Variants in ATP8A2 observed in about 807,000 individuals in gnomAD.
The protein encoded by ATP8A2 is ATPase phospholipid transporting 8A2, also known as phospholipid-transporting ATPase IB.
A neutral mutation model predicts 165.6 loss-of-function variants in ATP8A2; 100 were observed. That is an observed-to-expected ratio of 0.60 (90% CI 0.51 to 0.71). The LOEUF is 0.71. ATP8A2 is among the 30% of genes least tolerant of loss of function. The pLI is 0.00. For missense variants in ATP8A2, 1,227 were observed against 1,479.5 expected (o/e 0.83, Z 2.80); for synonymous variants, 543 against 548.8 (o/e 0.99, Z 0.15).
intron 33 of ATP8A2, among the ~76,000 whole-genome samples, chr13:25,912,160 A>G (rs966722038): frequency 9.6e-6 from 1 of 103,652 alleles, no homozygotes; most frequent in African/African-American, 5.6e-5. Context: ...TGTGAGACAC[A>G]CACACACACA....
intron 24 of ATP8A2, among the ~76,000 whole-genome samples, chr13:25,595,924 T>G (rs1593610928): frequency 6.6e-6 from 1 of 151,828 alleles, no homozygotes; most frequent in East Asian, 1.9e-4. Context: ...TTCAGGTTCT[T>G]AAGGTCCCAC....
At chr13:25,395,741 T>C (rs968686571) in intron 1 of ATP8A2, among the ~76,000 whole-genome samples, 1 of 152,182 alleles carries the variant, frequency 6.6e-6, no homozygotes, top group Non-Finnish European at 1.5e-5. Context: ...CTTGCTATGT[T>C]GCTCAGGGGT....
chr13:25,824,844 C>A (rs1388427598), intron 27 of ATP8A2, among the ~76,000 whole-genome samples: 4 of 152,152 alleles, frequency 2.6e-5, no homozygotes, highest in Admixed American at 1.3e-4. Context: ...AAGCATATTG[C>A]CCTTCAGCTT....
intron 2 of ATP8A2, among the ~76,000 whole-genome samples, chr13:25,528,724 A>ATATGCATACATATGCAACTTGTG (rs1221718082): frequency 6.6e-6 from 1 of 151,458 alleles, no homozygotes; most frequent in South Asian, 2.1e-4. Flanking sequence ...GGTTTGTTAC[A>ATATGCATACATATGCAACTTGTG]TATGCATACA....
intron 33 of ATP8A2, among the ~76,000 whole-genome samples, chr13:25,865,754 C>T (rs2138781554): frequency 6.6e-6 from 1 of 152,332 alleles, no homozygotes; most frequent in Middle Eastern, 3.4e-3. Flanking sequence ...AAGTCATCTG[C>T]ATCCTTCCCC....
At chr13:25,556,569 G>A (rs1179929723) in intron 13 of ATP8A2, among the ~76,000 whole-genome samples, 2 of 152,096 alleles carry the variant, frequency 1.3e-5, no homozygotes, top group African/African-American at 4.8e-5. Flanking sequence ...TAGGTTGTCT[G>A]TTTACTCTGT....
rs542037421 is a variant in ATP8A2 at position 25,742,816 on chromosome 13, A to G, written c.2385-26230A>G. Reference sequence around the variant, plus strand: ...GAAATGACCTTTGGCAGTGTAAGAGAAGTTTGTCACCCCTTCGAGTCTGCA... The same window carrying G: ...GAAATGACCTTTGGCAGTGTAAGAGGAGTTTGTCACCCCTTCGAGTCTGCA... On this transcript the variant is annotated intron_variant, in intron 25 of 36. Coordinates refer to ENST00000381655, the MANE Select transcript of ATP8A2 (RefSeq NM_016529.6). Among the ~76,000 whole-genome samples the G allele has an allele frequency of 3.0e-3, 459 of 151,918 alleles. 2 individuals carry two copies. Among genetic ancestry groups the G allele is most frequent in the Non-Finnish European group, 4.5e-3 (309 of 67,986 alleles).
chr13:25,397,463 A>AG (rs1478627900), intron 1 of ATP8A2, among the ~76,000 whole-genome samples: 1 of 152,032 alleles, frequency 6.6e-6, no homozygotes, highest in East Asian at 1.9e-4. Context: ...TAAGGCGTGG[A>AG]GGGGTCCTCT....
chr13:25,897,187 A>G (rs189073378), intron 33 of ATP8A2, among the ~76,000 whole-genome samples: 71 of 152,084 alleles, frequency 4.7e-4, no homozygotes, highest in Non-Finnish European at 7.9e-4. Flanking sequence ...GTTCCTTTCT[A>G]TGTTTAGTGC....
At chr13:25,410,364 G>A (rs2033932316) in intron 1 of ATP8A2, among the ~76,000 whole-genome samples, 1 of 152,300 alleles carries the variant, frequency 6.6e-6, no homozygotes, top group African/African-American at 2.4e-5. Flanking sequence ...CAAAGCCCCA[G>A]TGGCATCTAT....
intron 25 of ATP8A2, among the ~76,000 whole-genome samples, chr13:25,731,887 T>G (rs534456068): frequency 6.6e-6 from 1 of 152,344 alleles, no homozygotes; most frequent in East Asian, 1.9e-4. Flanking sequence ...ATTGAAGGTC[T>G]TCGAAAGCTT....
chr13:25,422,220 A>G (rs2034321410), intron 1 of ATP8A2, among the ~76,000 whole-genome samples: 1 of 152,198 alleles, frequency 6.6e-6, no homozygotes, highest in South Asian at 2.1e-4. Context: ...GACTTAGTAA[A>G]TACATACAGA....
chr13:25,915,778 C>T (rs1336148297), intron 33 of ATP8A2, among the ~76,000 whole-genome samples: 2 of 152,208 alleles, frequency 1.3e-5, no homozygotes, highest in African/African-American at 4.8e-5. Flanking sequence ...ACACAAGAAC[C>T]TCATCTTACT....
intron 1 of ATP8A2, among the ~76,000 whole-genome samples, chr13:25,452,425 CATT>C (rs1305043907): frequency 1.3e-5 from 2 of 152,098 alleles, no homozygotes; most frequent in East Asian, 1.9e-4. Context: ...CTCCTTGTAA[CATT>C]ATGACTGTTT....
chr13:25,914,371 T>G (rs1240587775), intron 33 of ATP8A2, among the ~76,000 whole-genome samples: 2 of 152,174 alleles, frequency 1.3e-5, no homozygotes, highest in East Asian at 3.9e-4. Context: ...TCTAGGAACC[T>G]CTCCCACTTT....
chr13:25,837,244 C>G lies in ATP8A2; in HGVS notation c.2836C>G (p.Leu946Val). 1.2e-6 allele frequency: 2 copies of G among 1,614,142 alleles called. No homozygotes were observed. Among genetic ancestry groups the G allele is most frequent in the Non-Finnish European group, 1.7e-6 (2 of 1,180,012 alleles). The change falls in exon 29 of 37, where the codon CTC (leucine) becomes GTC (valine). Residue 946 changes from leucine to valine, a missense_variant. Leu to Val is a conservative substitution (Grantham distance 32). This residue lies in a region of ATP8A2 where 592 missense variants were observed against 785.6 expected (regional missense o/e 0.75). Coordinates refer to ENST00000381655, the MANE Select transcript of ATP8A2 (RefSeq NM_016529.6). Reference protein sequence around the residue: ...TQESMLRFPQLYKITQNGEGF... With the variant: ...TQESMLRFPQVYKITQNGEGF... ...GGAGAGCATGCTCAGGTTTCCCCAGCTCTACAAAATCACCCAGAATGGCGA... is the reference window on the plus strand; with the variant it reads ...GGAGAGCATGCTCAGGTTTCCCCAGGTCTACAAAATCACCCAGAATGGCGA...
At chr13:25,436,854 G>T (rs538713418) in intron 1 of ATP8A2, among the ~76,000 whole-genome samples, 1 of 151,730 alleles carries the variant, frequency 6.6e-6, no homozygotes, top group South Asian at 2.1e-4. Context: ...CAGTTCCACT[G>T]CAGCCTCGGC....
At chr13:25,434,859 T>A (rs2034711352) in intron 1 of ATP8A2, among the ~76,000 whole-genome samples, 1 of 152,184 alleles carries the variant, frequency 6.6e-6, no homozygotes, top group African/African-American at 2.4e-5. Flanking sequence ...ATGCACGTGT[T>A]CTATTGGTAT....
At chr13:25,909,695 A>G (rs1364411228) in intron 33 of ATP8A2, among the ~76,000 whole-genome samples, 1 of 152,250 alleles carries the variant, frequency 6.6e-6, no homozygotes, top group Non-Finnish European at 1.5e-5. Flanking sequence ...AATGGCATTA[A>G]GAACATTCAT....
Sources: gnomAD v4.1 joint callset for allele counts (sites outside exome capture counted in the v4.1 genomes callset) on GRCh38, gnomAD v4.1.1 for gene constraint, gnomAD v4.1.1 regional missense constraint, MANE v1.5 for transcripts, NCBI Gene and HGNC (gene_info 2026-07-23, HGNC 2026-07-21) for gene names.